Variants in MCC observed in about 807,000 individuals in gnomAD.
MCC encodes the protein MCC regulator of Wnt signaling pathway.
A neutral mutation model predicts 116.2 loss-of-function variants in MCC; 90 were observed. The ratio of observed to expected loss-of-function variants is 0.77; its 90% CI spans 0.65 to 0.92. MCC has a LOEUF of 0.92. Among genes scored for constraint, MCC ranks in the 40% least tolerant of loss-of-function variants. The pLI is 0.00. For missense variants in MCC, 1,516 were observed against 1,312.2 expected (o/e 1.16, Z -2.40); for synonymous variants, 578 against 510.5 (o/e 1.13, Z -1.78).
chr5:113,232,768 A>T (rs1375184725), intron 3 of MCC, among the ~76,000 whole-genome samples: 1 of 152,174 alleles, frequency 6.6e-6, no homozygotes, highest in Admixed American at 6.5e-5. Context: ...GGATCTTTAG[A>T]AAAACCCAGA....
At chr5:113,178,500 G>C (rs1761452630) in intron 3 of MCC, among the ~76,000 whole-genome samples, 1 of 152,136 alleles carries the variant, frequency 6.6e-6, no homozygotes, top group South Asian at 2.1e-4. Flanking sequence ...GTTAGCCAGA[G>C]AAATAATAGA....
chr5:113,084,136 G>A lies in MCC; in HGVS notation c.1600C>T (p.Arg534Trp), dbSNP rs764285047. Residue 534 changes from arginine to tryptophan, a missense_variant, in exon 10 of 19, where the codon CGG becomes TGG. Transcript: ENST00000408903. ...CTGATTTCTGAGCCCAGGACTGGCC[G>A]ATCAGATGATGACGATTCGGACCTT... ...KTRSESSSSD[R>W]PVLGSEISSI... is the part of the protein sequence containing the mutation. The A allele has an allele frequency of 1.1e-5, 18 of 1,613,982 alleles. No individual in the cohort carries two copies. The highest frequency in any genetic ancestry group is 1.6e-4 in the Middle Eastern group (1 of 6,084).
chr5:113,148,280 G>C (rs941250730), intron 4 of MCC, among the ~76,000 whole-genome samples: 1 of 152,202 alleles, frequency 6.6e-6, no homozygotes, highest in Non-Finnish European at 1.5e-5. Flanking sequence ...TTATTATACA[G>C]CAATAGAAAA....
At chr5:113,131,250 T>C (rs1055034796) in intron 5 of MCC, among the ~76,000 whole-genome samples, 1 of 152,198 alleles carries the variant, frequency 6.6e-6, no homozygotes, top group Non-Finnish European at 1.5e-5. Flanking sequence ...TTAGAAATCC[T>C]TTTTTATTTT....
At chr5:113,174,194 G>T (rs1304907748) in intron 3 of MCC, among the ~76,000 whole-genome samples, 1 of 152,184 alleles carries the variant, frequency 6.6e-6, no homozygotes, top group Non-Finnish European at 1.5e-5. Flanking sequence ...CAAGGTAGGG[G>T]TGGGTAGACA....
intron 12 of MCC, among the ~76,000 whole-genome samples, chr5:113,068,487 G>T (rs1753783802): frequency 6.6e-6 from 1 of 152,194 alleles, no homozygotes; most frequent in African/African-American, 2.4e-5. Context: ...CCTTGTGGTA[G>T]GCCACTCCAG....
chr5:113,372,880 G>A (rs1217765639), intron 2 of MCC, among the ~76,000 whole-genome samples: 1 of 150,550 alleles, frequency 6.6e-6, no homozygotes, highest in Admixed American at 6.6e-5. Context: ...AAAGACACAT[G>A]TATAAAAGAT....
At chr5:113,042,319 A>AAAAC (rs1427597635) in intron 17 of MCC, among the ~76,000 whole-genome samples, 2 of 148,128 alleles carry the variant, frequency 1.4e-5, no homozygotes, top group Non-Finnish European at 3.0e-5. Flanking sequence ...AAAAAAAAAA[A>AAAAC]AAAAAATTAG....
intron 3 of MCC, chr5:113,294,192 A>C: frequency 9.6e-7 from 1 of 1,045,400 alleles, no homozygotes; most frequent in Non-Finnish European, 1.4e-6. Context: ...AAAATCTACT[A>C]ATCTTCAATT....
chr5:113,340,386 C>T, intron 3 of MCC, 133 bp downstream of exon 3: 1 of 801,478 alleles, frequency 1.2e-6, no homozygotes, highest in Non-Finnish European at 2.0e-6. Context: ...ACTGGCAATG[C>T]TGGAAATGGT....
At chr5:113,237,281 T>TAATGACTA (rs1764168788) in intron 3 of MCC, among the ~76,000 whole-genome samples, 1 of 152,232 alleles carries the variant, frequency 6.6e-6, no homozygotes, top group Non-Finnish European at 1.5e-5. Context: ...TTCTACTTTT[T>TAATGACTA]AATGACTACA....
At chr5:113,125,037 A>G (rs1757965211) in intron 5 of MCC, among the ~76,000 whole-genome samples, 1 of 152,228 alleles carries the variant, frequency 6.6e-6, no homozygotes, top group South Asian at 2.1e-4. Context: ...AACGTGCAGA[A>G]CTTGGAGGGG....
intron 3 of MCC, among the ~76,000 whole-genome samples, chr5:113,236,834 GCT>G (rs1764152633): frequency 1.3e-5 from 2 of 152,144 alleles, no homozygotes; most frequent in Admixed American, 6.5e-5. Flanking sequence ...AGGCGGGGTG[GCT>G]ACACTTGGTG....
In MCC at chr5:113,024,430, T is replaced by C. The variant is rs1315875707; in HGVS notation, c.*2872A>G. The stretch of plus-strand genomic sequence containing the variant: ...TTTGCTTGTGATTTGCACAGTTGGT[T>C]TTGTTTGCCTCAGTCCAACAATGGG... On this transcript the variant is annotated 3_prime_UTR_variant, in exon 19 of 19. Transcript: ENST00000408903. The C allele has an allele frequency of 6.6e-6, 1 of 152,204 alleles. No individual in the cohort carries two copies. Among genetic ancestry groups the C allele is most frequent in the East Asian group, 1.9e-4 (1 of 5,194 alleles). The allele number at this position is 152,204 out of a possible 1,614,324, so 9.4% of individuals were successfully genotyped here. A position where few individuals can be genotyped will look rare whatever the true frequency, so the allele number is the denominator to read the frequency against.
intron 3 of MCC, among the ~76,000 whole-genome samples, chr5:113,154,675 T>A (rs895955322): frequency 6.6e-6 from 1 of 152,216 alleles, no homozygotes; most frequent in African/African-American, 2.4e-5. Flanking sequence ...TTGTGAGCGA[T>A]GCTACATGAA....
At chr5:113,421,528 C>T (rs1770333835) in intron 1 of MCC, among the ~76,000 whole-genome samples, 1 of 152,186 alleles carries the variant, frequency 6.6e-6, no homozygotes, top group Non-Finnish European at 1.5e-5. Context: ...CAGTACGATT[C>T]TAATAAGGCA....
chr5:113,427,382 T>C (rs1353978810), intron 1 of MCC, among the ~76,000 whole-genome samples: 1 of 152,236 alleles, frequency 6.6e-6, no homozygotes, highest in East Asian at 1.9e-4. Flanking sequence ...CACTGATTTC[T>C]GTACATGGAA....
chr5:113,166,011 C>CAA (rs1760749359), intron 3 of MCC, among the ~76,000 whole-genome samples: 1 of 152,156 alleles, frequency 6.6e-6, no homozygotes, highest in African/African-American at 2.4e-5. Flanking sequence ...TTCCCAAGCT[C>CAA]ATGAAGCCCA....
rs189151109 is a variant in MCC at position 113,340,316 on chromosome 5, A to G, written c.627+203T>C. ...TAATCAAAACACCTTTTAGGAGTCT[A>G]CTCTGGTCTCCATGAGAGTGAAGTC... On this transcript the variant is annotated intron_variant, in intron 3 of 18. Transcript: ENST00000408903. Among the ~76,000 whole-genome samples the G allele has an allele frequency of 2.0e-5, 3 of 152,256 alleles. No homozygotes were observed. The East Asian group carries it at 5.8e-4, about 29-fold the overall frequency.
Sources: gnomAD v4.1 joint callset for allele counts (sites outside exome capture counted in the v4.1 genomes callset) on GRCh38, gnomAD v4.1.1 for gene constraint, MANE v1.5 for transcripts, NCBI Gene and HGNC (gene_info 2026-07-23, HGNC 2026-07-21) for gene names.